Variants in MAML2 observed in about 807,000 individuals in gnomAD.
MAML2 encodes the protein mastermind like transcriptional coactivator 2.
In MAML2, 22 loss-of-function variants were observed where a neutral mutation model predicts 96.1. That is an observed-to-expected ratio of 0.23 (90% CI 0.16 to 0.33). MAML2 has a LOEUF of 0.33. MAML2 is among the 10% of genes least tolerant of loss of function. The pLI is 1.00. For synonymous variants in MAML2, 561 were observed against 521.3 expected, an observed-to-expected ratio of 1.08 and a Z score of -1.04; for missense variants, 1,367 against 1,392.4, an observed-to-expected ratio of 0.98 and a Z score of 0.29.
At chr11:96,113,521 TATA>T (rs1009312771) in intron 1 of MAML2, among the ~76,000 whole-genome samples, 15 of 150,914 alleles carry the variant, frequency 9.9e-5, no homozygotes, top group African/African-American at 3.4e-4. Flanking sequence ...GCTGCCAAGC[TATA>T]ATACTATTTT....
intron 1 of MAML2, among the ~76,000 whole-genome samples, chr11:96,097,852 G>C (rs1370751120): frequency 6.6e-6 from 1 of 151,454 alleles, no homozygotes; most frequent in African/African-American, 2.5e-5. Context: ...GCTCTCTGAG[G>C]CTTGTGCTCT....
intron 1 of MAML2, among the ~76,000 whole-genome samples, chr11:96,251,205 G>A (rs1421346425): frequency 6.6e-6 from 1 of 152,190 alleles, no homozygotes; most frequent in Non-Finnish European, 1.5e-5. Flanking sequence ...GCAAAATGTT[G>A]TCTTTTACTA....
At chr11:96,261,826 C>T (rs964866022) in intron 1 of MAML2, among the ~76,000 whole-genome samples, 5 of 152,202 alleles carry the variant, frequency 3.3e-5, no homozygotes, top group Non-Finnish European at 7.3e-5. Context: ...AACCAAGTTA[C>T]CTAACTGCAG....
At chr11:96,026,052 T>C (rs1385275562) in intron 2 of MAML2, among the ~76,000 whole-genome samples, 1 of 152,194 alleles carries the variant, frequency 6.6e-6, no homozygotes, top group East Asian at 1.9e-4. Context: ...ATGCTGTTCT[T>C]ATGCCTATTT....
At chr11:96,278,077 G>A (rs996134355) in intron 1 of MAML2, among the ~76,000 whole-genome samples, 14 of 152,138 alleles carry the variant, frequency 9.2e-5, no homozygotes, top group Admixed American at 1.3e-4. Context: ...GTGTGATGCC[G>A]CTGCTGCTGC....
At position 96,330,069 on chromosome 11, in the gene MAML2, G is replaced by C. The variant is rs138201529; in HGVS notation, c.513+11314C>G. 2.4e-3 allele frequency among the ~76,000 whole-genome samples: 366 copies of C among 152,298 alleles called. 4 individuals carry two copies. Among genetic ancestry groups the C allele is most frequent in the African/African-American group, 8.3e-3 (343 of 41,558 alleles). On this transcript the variant is annotated intron_variant, in intron 1 of 4. Coordinates refer to ENST00000524717, the MANE Select transcript of MAML2 (RefSeq NM_032427.4). The stretch of plus-strand genomic sequence containing the variant: ...TCTATTTTAAGGGTAGACTACTGAA[G>C]GCAGATGTGTTCCATGGAGTATAGC...
At chr11:96,336,343 G>A (rs1250030090) in intron 1 of MAML2, among the ~76,000 whole-genome samples, 2 of 152,020 alleles carry the variant, frequency 1.3e-5, no homozygotes, top group African/African-American at 4.8e-5. Flanking sequence ...CTCTTCCTCT[G>A]ATTTTTCTAT....
At chr11:96,060,430 T>G (rs980827830) in intron 2 of MAML2, among the ~76,000 whole-genome samples, 4 of 151,960 alleles carry the variant, frequency 2.6e-5, no homozygotes, top group Non-Finnish European at 5.9e-5. Flanking sequence ...GATCCGGACT[T>G]GTTAGACCAT....
At chr11:96,068,487 G>A (rs1859281321) in intron 2 of MAML2, among the ~76,000 whole-genome samples, 3 of 88,404 alleles carry the variant, frequency 3.4e-5, no homozygotes, top group Non-Finnish European at 8.6e-5. Context: ...CAGAGGGAGG[G>A]AGGGAGAGAG....
intron 1 of MAML2, among the ~76,000 whole-genome samples, chr11:96,148,093 C>T (rs757191839): frequency 2.6e-5 from 4 of 152,224 alleles, no homozygotes; most frequent in South Asian, 2.1e-4. Context: ...GTATACACGA[C>T]GAGCACACCT....
chr11:96,181,607 T>G (rs1861487682), intron 1 of MAML2, among the ~76,000 whole-genome samples: 1 of 152,176 alleles, frequency 6.6e-6, no homozygotes, highest in Non-Finnish European at 1.5e-5. Flanking sequence ...TGCAAAAAAA[T>G]TACAGCTTTT....
chr11:96,242,815 T>A (rs1368346832), intron 1 of MAML2, among the ~76,000 whole-genome samples: 1 of 152,224 alleles, frequency 6.6e-6, no homozygotes, highest in Non-Finnish European at 1.5e-5. Flanking sequence ...GCTTACAGCA[T>A]CACTTAGGTT....
chr11:96,204,669 A>T (rs1002254316), intron 1 of MAML2, among the ~76,000 whole-genome samples: 29 of 152,316 alleles, frequency 1.9e-4, no homozygotes, highest in African/African-American at 5.8e-4. Context: ...TTGTTTTTTT[A>T]AACCACAATT....
intron 1 of MAML2, among the ~76,000 whole-genome samples, chr11:96,240,557 CAAAA>C (rs55659413): frequency 0.047 from 2,383 of 50,966 alleles, 52 homozygotes; most frequent in African/African-American, 0.11. Flanking sequence ...GACTCCGTCT[CAAAA>C]AAAAAAAAAA....
At chr11:96,290,472 T>C (rs1157914814) in intron 1 of MAML2, among the ~76,000 whole-genome samples, 1 of 152,214 alleles carries the variant, frequency 6.6e-6, no homozygotes, top group Non-Finnish European at 1.5e-5. Flanking sequence ...GGAAGGTCAA[T>C]TGACAGGCTA....
At chr11:96,170,267 A>G (rs1861266105) in intron 1 of MAML2, among the ~76,000 whole-genome samples, 1 of 152,344 alleles carries the variant, frequency 6.6e-6, no homozygotes, top group African/African-American at 2.4e-5. Context: ...TCCTCTGCCC[A>G]TATCATGGGA....
At chr11:96,299,058 A>ATATATATATATATATATAT (rs61036575) in intron 1 of MAML2, among the ~76,000 whole-genome samples, 34 of 58,000 alleles carry the variant, frequency 5.9e-4, no homozygotes, top group African/African-American at 7.5e-4. Flanking sequence ...AAAAAAAAAA[A>ATATATATATATATATATAT]AAATATATAT....
chr11:96,112,723 T>C lies in MAML2; in HGVS notation c.514-19206A>G, dbSNP rs77776755. Among the ~76,000 whole-genome samples, 370 of 152,374 alleles carry C rather than the reference T, an allele frequency of 2.4e-3. 1 individual carries two copies. Among genetic ancestry groups the C allele is most frequent in the African/African-American group, 8.5e-3 (354 of 41,586 alleles). On this transcript the variant is annotated intron_variant, in intron 1 of 4. Coordinates refer to ENST00000524717, the MANE Select transcript of MAML2 (RefSeq NM_032427.4). ...GATTATGTGTCTGATATCTATGCAT[T>C]AGCCATCCCTTTCTTCCATAAGCCT...
intron 1 of MAML2, among the ~76,000 whole-genome samples, chr11:96,099,193 T>TA (rs1859882224): frequency 6.6e-6 from 1 of 152,158 alleles, no homozygotes; most frequent in African/African-American, 2.4e-5. Context: ...GCTATTTTAC[T>TA]CATGGCTGAT....
Sources: gnomAD v4.1 joint callset for allele counts (sites outside exome capture counted in the v4.1 genomes callset) on GRCh38, gnomAD v4.1.1 for gene constraint, MANE v1.5 for transcripts, NCBI Gene and HGNC (gene_info 2026-07-23, HGNC 2026-07-21) for gene names.